RPS6KA6: variants seen among roughly 807,000 people sequenced by gnomAD.
The protein encoded by RPS6KA6 is ribosomal protein S6 kinase alpha-6.
RPS6KA6 carries 27 observed loss-of-function variants against 65.4 expected under a neutral mutation model. The observed-to-expected ratio is 0.41, with a 90% CI of 0.30 to 0.57. The LOEUF is 0.57. Ranked by LOEUF, RPS6KA6 falls within the 20% of genes least tolerant of loss-of-function variation. The pLI is 0.24. For synonymous variants in RPS6KA6, 190 were observed against 184.2 expected (o/e 1.03, Z -0.26); for missense variants, 486 against 555.6 (o/e 0.87, Z 1.26).
At chrX:84,139,520 A>C (rs925992386) in intron 6 of RPS6KA6, among the ~76,000 whole-genome samples, 2 of 111,834 alleles carry the variant, frequency 1.8e-5, no homozygotes, top group Non-Finnish European at 3.8e-5. Flanking sequence ...AGACAGATAT[A>C]AGCCAGAGAC....
At chrX:84,169,646 A>G (rs1364618898) in intron 1 of RPS6KA6, among the ~76,000 whole-genome samples, 1 of 111,561 alleles carries the variant, frequency 9.0e-6, no homozygotes, top group East Asian at 2.8e-4. Flanking sequence ...ACTAGAATAA[A>G]ATCTACTTTT....
intron 6 of RPS6KA6, among the ~76,000 whole-genome samples, chrX:84,135,920 A>G (rs1435459343): frequency 8.9e-6 from 1 of 111,928 alleles, no homozygotes; most frequent in Non-Finnish European, 1.9e-5. Flanking sequence ...TGGCAGTGTA[A>G]TATCAGACAT....
At chrX:84,134,413 A>G (rs1384081115) in intron 8 of RPS6KA6, among the ~76,000 whole-genome samples, 1 of 111,294 alleles carries the variant, frequency 9.0e-6, no homozygotes. Flanking sequence ...AAAATTATAG[A>G]GATGTAGGAC....
chrX:84,085,857 A>C (rs1207528421), intron 20 of RPS6KA6, among the ~76,000 whole-genome samples: 3 of 111,344 alleles, frequency 2.7e-5, no homozygotes, highest in Non-Finnish European at 5.7e-5. Flanking sequence ...CATAACTCAC[A>C]ATTGGTCTAT....
At chrX:84,147,089 C>A in intron 4 of RPS6KA6, 31 bp from the exon 5 acceptor site, 1 of 805,501 alleles carries the variant, frequency 1.2e-6, no homozygotes, top group Non-Finnish European at 1.8e-6. Context: ...CAATATATTG[C>A]TCTCTTACAT....
intron 20 of RPS6KA6, among the ~76,000 whole-genome samples, chrX:84,087,237 G>T (rs1166284204): frequency 3.7e-5 from 4 of 109,412 alleles, no homozygotes; most frequent in Admixed American, 9.7e-5. Flanking sequence ...TTATGTGGTT[G>T]TTTCATAATG....
At chrX:84,182,713 T>C (rs1041020904) in intron 1 of RPS6KA6, among the ~76,000 whole-genome samples, 1 of 111,857 alleles carries the variant, frequency 8.9e-6, no homozygotes, top group Non-Finnish European at 1.9e-5. Context: ...TAAAGAAAGA[T>C]TGACTTGGAG....
chrX:84,086,550 T>C (rs2033926445), intron 20 of RPS6KA6, among the ~76,000 whole-genome samples: 3 of 111,458 alleles, frequency 2.7e-5, no homozygotes, highest in Admixed American at 1.9e-4. Flanking sequence ...TTTTCTTTTT[T>C]TTTGCATTTG....
At chrX:84,145,329 T>C in intron 6 of RPS6KA6, 149 bp downstream of exon 6, 2 of 388,620 alleles carry the variant, frequency 5.1e-6, no homozygotes, top group East Asian at 9.7e-5. Flanking sequence ...GAAAATGCCA[T>C]TAACAGGCAC....
chrX:84,163,006 T>C (rs1386094947), intron 2 of RPS6KA6, among the ~76,000 whole-genome samples: 1 of 112,132 alleles, frequency 8.9e-6, no homozygotes, highest in Non-Finnish European at 1.9e-5. Context: ...AATAGTTACA[T>C]AGAACATTTC....
intron 2 of RPS6KA6, among the ~76,000 whole-genome samples, chrX:84,161,570 A>T (rs1389671627): frequency 9.0e-6 from 1 of 111,689 alleles, no homozygotes; most frequent in Non-Finnish European, 1.9e-5. Context: ...GGAAAAAAAA[A>T]TCCACCATAC....
chrX:84,087,303 T>C (rs2033945460), intron 20 of RPS6KA6, among the ~76,000 whole-genome samples: 1 of 111,665 alleles, frequency 9.0e-6, no homozygotes, highest in African/African-American at 3.3e-5. Flanking sequence ...AGTTTTTCCT[T>C]TTCATATTTA....
intron 20 of RPS6KA6, among the ~76,000 whole-genome samples, chrX:84,091,391 C>G (rs1295446883): frequency 8.9e-6 from 1 of 111,983 alleles, no homozygotes; most frequent in Non-Finnish European, 1.9e-5. Flanking sequence ...ATAGAAAATG[C>G]AAAATAAGTA....
At chrX:84,123,730 G>A (rs1344007964) in intron 8 of RPS6KA6, among the ~76,000 whole-genome samples, 1 of 112,386 alleles carries the variant, frequency 8.9e-6, no homozygotes, top group Non-Finnish European at 1.9e-5. Flanking sequence ...CTCCCAGACA[G>A]CATGCCTGGT....
intron 6 of RPS6KA6, among the ~76,000 whole-genome samples, chrX:84,140,752 AAC>A (rs1433923168): frequency 5.2e-5 from 5 of 95,965 alleles, no homozygotes; most frequent in East Asian, 4.3e-4. Flanking sequence ...AAAAAAAAAA[AAC>A]ATACATATAT....
chrX:84,180,308 G>T, intron 1 of RPS6KA6, among the ~76,000 whole-genome samples: 1 of 112,206 alleles, frequency 8.9e-6, no homozygotes, highest in Admixed American at 9.4e-5. Flanking sequence ...CAGAAAGAAA[G>T]TGCAAATTTC....
At chrX:84,121,440 A>C (rs1470421416) in intron 8 of RPS6KA6, among the ~76,000 whole-genome samples, 3 of 112,382 alleles carry the variant, frequency 2.7e-5, no homozygotes, top group African/African-American at 6.5e-5. Flanking sequence ...ATCATTTAGA[A>C]CATACAGAAC....
At chrX:84,113,090 C>T (rs182749056) in intron 12 of RPS6KA6, among the ~76,000 whole-genome samples, 1 of 111,377 alleles carries the variant, frequency 9.0e-6, no homozygotes, top group Admixed American at 9.5e-5. Flanking sequence ...TTCCTGGAAA[C>T]ATACAGTCTC....
Position 84,178,452 on chromosome X carries a change from C to A in RPS6KA6, c.81+9367G>T, listed in dbSNP as rs185548651. The stretch of plus-strand genomic sequence containing the variant: ...ATTAATGACTGCAAAGAAAATATAT[C>A]ACAGAAATTATTTTGTTTTTTAACA... On this transcript the variant is annotated intron_variant, in intron 1 of 21. Coordinates refer to ENST00000262752, the MANE Select transcript of RPS6KA6 (RefSeq NM_014496.5). Among the ~76,000 whole-genome samples, 210 of 111,766 alleles carry A rather than the reference C, an allele frequency of 1.9e-3. 1 individual carries two copies. The highest frequency in any genetic ancestry group is 6.7e-3 in the African/African-American group (206 of 30,818).
Sources: gnomAD v4.1 joint callset for allele counts (sites outside exome capture counted in the v4.1 genomes callset) on GRCh38, gnomAD v4.1.1 for gene constraint, MANE v1.5 for transcripts, NCBI Gene and HGNC (gene_info 2026-07-23, HGNC 2026-07-21) for gene names.